The following UBE3C variants were observed in gnomAD, a reference collection of about 807,000 sequenced individuals.
The protein encoded by UBE3C is ubiquitin protein ligase E3C.
Under a neutral mutation model 129.4 loss-of-function variants are expected in UBE3C, and 42 were observed. The observed-to-expected ratio is 0.32, with a 90% confidence interval of 0.25 to 0.42. The LOEUF is 0.42. Among genes scored for constraint, UBE3C ranks in the 10% least tolerant of loss-of-function variants. UBE3C has a pLI of 1.00. For synonymous variants in UBE3C, 510 were observed against 492.4 expected (o/e 1.04, Z -0.47); for missense variants, 1,049 against 1,319.1 (o/e 0.80, Z 3.17).
At chr7:157,146,511 G>GC (rs1300024812) in intron 1 of UBE3C, among the ~76,000 whole-genome samples, 2 of 152,110 alleles carry the variant, frequency 1.3e-5, no homozygotes, top group African/African-American at 4.8e-5. Flanking sequence ...ATGAGCCCCT[G>GC]CGTCCGGCCT....
intron 1 of UBE3C, among the ~76,000 whole-genome samples, chr7:157,159,476 C>T (rs79488584): frequency 0.012 from 1,793 of 152,258 alleles, 36 homozygotes; most frequent in African/African-American, 0.04. Context: ...AAAGATCAGA[C>T]TGTGGATGGT....
chr7:157,249,385 G>A (rs1267103388), intron 19 of UBE3C, among the ~76,000 whole-genome samples: 8 of 151,664 alleles, frequency 5.3e-5, no homozygotes, highest in African/African-American at 1.7e-4. Context: ...GCGCAATCTC[G>A]GCTCACCACA....
intron 10 of UBE3C, among the ~76,000 whole-genome samples, chr7:157,201,253 G>A (rs1809271222): frequency 6.6e-6 from 1 of 152,104 alleles, no homozygotes; most frequent in Non-Finnish European, 1.5e-5. Flanking sequence ...GAACCCAGGA[G>A]GTGGAGGTTG....
chr7:157,263,388 G>A (rs1331248967), intron 22 of UBE3C, among the ~76,000 whole-genome samples: 1 of 152,192 alleles, frequency 6.6e-6, no homozygotes, highest in Non-Finnish European at 1.5e-5. Context: ...ACAGAAAGTC[G>A]AACGGGGGCC....
At chr7:157,213,621 G>A (rs1809656955) in intron 13 of UBE3C, among the ~76,000 whole-genome samples, 1 of 152,220 alleles carries the variant, frequency 6.6e-6, no homozygotes, top group Non-Finnish European at 1.5e-5. Flanking sequence ...AAAGGAATGT[G>A]TTAAGGTGTT....
At position 157,231,060 on chromosome 7, in the gene UBE3C, C is replaced by T. The variant is rs1796010762; in HGVS notation, c.2234-20C>T. 6.2e-7 allele frequency: 1 copy of T among 1,611,330 alleles called. No homozygotes were observed. Among genetic ancestry groups the T allele is most frequent in the South Asian group, 1.1e-5 (1 of 90,716 alleles). On this transcript the variant is annotated intron_variant, in intron 17 of 22. Coordinates refer to ENST00000348165, the MANE Select transcript of UBE3C (RefSeq NM_014671.3). Reference sequence around the variant, plus strand: ...GCTTGTAACATCTTTCCTCCTCACCCTCCCATTTTTTTTTAACAGAGCCTG... The same window carrying T: ...GCTTGTAACATCTTTCCTCCTCACCTTCCCATTTTTTTTTAACAGAGCCTG...
intron 19 of UBE3C, among the ~76,000 whole-genome samples, chr7:157,249,017 C>T (rs759284528): frequency 3.9e-5 from 6 of 152,202 alleles, no homozygotes; most frequent in African/African-American, 1.4e-4. Flanking sequence ...TTACTTATAT[C>T]CTTTTTAAAA....
At chr7:157,211,999 A>G (rs1160690887) in intron 13 of UBE3C, among the ~76,000 whole-genome samples, 3 of 152,250 alleles carry the variant, frequency 2.0e-5, no homozygotes, top group Admixed American at 6.5e-5. Context: ...CAACGAGGTC[A>G]TGTTCTTAGA....
rs183961966 is a variant in UBE3C at position 157,175,379 on chromosome 7, G to T, written c.458+345G>T. Among the ~76,000 whole-genome samples the T allele has an allele frequency of 2.0e-5, 3 of 152,070 alleles. No homozygotes were observed. In the East Asian group the frequency reaches 5.8e-4, roughly 29 times the overall value. Reference sequence around the variant, plus strand: ...GTGAGAATGATTCCATTCCATAGGGGTCTCCACCAAAATGCAGTTTGAAAG... The same window carrying T: ...GTGAGAATGATTCCATTCCATAGGGTTCTCCACCAAAATGCAGTTTGAAAG... On this transcript the variant is annotated intron_variant, in intron 5 of 22. Coordinates refer to ENST00000348165, the MANE Select transcript of UBE3C (RefSeq NM_014671.3).
Position 157,197,784 on chromosome 7 carries a change from T to C in UBE3C, c.1332-3937T>C, listed in dbSNP as rs1045500728. On this transcript the variant is annotated intron_variant, in intron 10 of 22. Transcript: ENST00000348165. ...GATCCTGTGTGTACTATTGAATCTT[T>C]GTATCAAACGACTCCCATCTGCTAA... 12 of 1,613,198 alleles carry C rather than the reference T, an allele frequency of 7.4e-6. No homozygotes were observed. In the East Asian group the frequency reaches 2.5e-4, roughly 33 times the overall value.
chr7:157,164,968 C>T (rs1808173575), intron 2 of UBE3C, among the ~76,000 whole-genome samples: 1 of 152,114 alleles, frequency 6.6e-6, no homozygotes. Context: ...CATTTTTGAA[C>T]AGATAATTCT....
At chr7:157,237,198 T>TG (rs1264893324) in intron 18 of UBE3C, among the ~76,000 whole-genome samples, 30 of 151,948 alleles carry the variant, frequency 2.0e-4, no homozygotes, top group Non-Finnish European at 1.5e-5. Context: ...TCCCAACACT[T>TG]TGGGAGGCCG....
chr7:157,242,858 C>A (rs943323118), intron 18 of UBE3C, among the ~76,000 whole-genome samples: 9 of 151,984 alleles, frequency 5.9e-5, no homozygotes, highest in African/African-American at 2.2e-4. Context: ...AGTTCTAGAC[C>A]AGCCTGACCA....
At position 157,170,387 on chromosome 7, in the gene UBE3C, C is replaced by A. The variant is rs775578235; in HGVS notation, c.279C>A (p.Asn93Lys). The change falls in exon 4 of 23, where the codon AAC becomes AAA. Residue 93 changes from asparagine (N) to lysine (K), a missense_variant. Asn to Lys is a moderately conservative substitution (Grantham distance 94, BLOSUM62 0). Around this residue, in one of 4 missense-constraint regions of UBE3C, gnomAD observed 489 missense variants for 513.8 expected, o/e 0.95. Transcript: ENST00000348165. ...GGAFPIANGP[N>K]LTLLVRQLLF... ...CTTTTCCCATTGCTAATGGCCCCAA[C>A]CTTACCCTTTTGGTAAGGCAGCTTC... The A allele has an allele frequency of 5.7e-6, 9 of 1,576,590 alleles. No homozygotes were observed. In the African/African-American group the frequency reaches 1.1e-4, roughly 19 times the overall value.
intron 1 of UBE3C, among the ~76,000 whole-genome samples, chr7:157,143,789 A>G (rs916667513): frequency 2.0e-5 from 3 of 152,130 alleles, no homozygotes; most frequent in African/African-American, 7.2e-5. Flanking sequence ...TAGGCTAGAG[A>G]TGCAGATTTG....
Position 157,181,587 on chromosome 7 carries a change from C to G in UBE3C, c.686C>G (p.Ser229Cys). Reference sequence around the variant, plus strand: ...TCAAGTATTGAATATTCTGATTTATCTCGAGTTCCTATAGCAAAAATTTTG... The same window carrying G: ...TCAAGTATTGAATATTCTGATTTATGTCGAGTTCCTATAGCAAAAATTTTG... ...LPSSIEYSDL[S>C]RVPIAKILLE... The change falls in exon 7 of 23, where the codon TCT becomes TGT. Residue 229 changes from serine (S) to cysteine (C), a missense_variant. Physicochemically the swap from Ser to Cys is moderately radical, Grantham distance 112. Coordinates refer to ENST00000348165, the MANE Select transcript of UBE3C (RefSeq NM_014671.3). 18 of 1,613,566 alleles carry G rather than the reference C, an allele frequency of 1.1e-5. No homozygotes were observed. Among genetic ancestry groups the G allele is most frequent in the Non-Finnish European group, 1.5e-5 (18 of 1,179,840 alleles).
chr7:157,149,699 A>G (rs1170343299), intron 1 of UBE3C, among the ~76,000 whole-genome samples: 1 of 152,214 alleles, frequency 6.6e-6, no homozygotes, highest in East Asian at 1.9e-4. Context: ...AGGTTGAAAA[A>G]ATAGATGGTC....
At chr7:157,245,659 A>G (rs1796452813) in intron 18 of UBE3C, among the ~76,000 whole-genome samples, 1 of 152,252 alleles carries the variant, frequency 6.6e-6, no homozygotes, top group Non-Finnish European at 1.5e-5. Flanking sequence ...ATAAAAGCAC[A>G]AGGACATAAT....
At chr7:157,139,530 C>A (rs1479839117) in intron 1 of UBE3C, among the ~76,000 whole-genome samples, 192 bp downstream of exon 1, 2 of 151,942 alleles carry the variant, frequency 1.3e-5, no homozygotes, top group African/African-American at 4.8e-5. Context: ...CGGGGTTGGA[C>A]TCGGAGCCGA....
Sources: allele counts gnomAD v4.1 joint callset (sites outside exome capture counted in the v4.1 genomes callset), GRCh38; gene constraint gnomAD v4.1.1; regional missense constraint gnomAD v4.1.1; transcripts MANE v1.5; gene names NCBI Gene and HGNC (gene_info 2026-07-23, HGNC 2026-07-21).